PLXDC1: variants seen among roughly 807,000 people sequenced by gnomAD.
PLXDC1 encodes the protein plexin domain containing 1, also known as plexin domain-containing protein 1.
Under a neutral mutation model 61.3 loss-of-function variants are expected in PLXDC1, and 39 were observed. The observed-to-expected ratio is 0.64, with a 90% CI of 0.49 to 0.83. PLXDC1 has a LOEUF of 0.83. Among genes scored for constraint, PLXDC1 ranks in the 40% least tolerant of loss-of-function variants. The pLI is 0.00. For synonymous variants in PLXDC1, 212 were observed against 254.5 expected (o/e 0.83, Z 1.59); for missense variants, 596 against 666.5 (o/e 0.89, Z 1.17).
Position 39,065,444 on chromosome 17 carries a change from G to A in PLXDC1, c.*2396C>T, listed in dbSNP as rs1279052823. On this transcript the variant is annotated 3_prime_UTR_variant, in exon 14 of 14. Coordinates refer to ENST00000315392, the MANE Select transcript of PLXDC1 (RefSeq NM_020405.5). The stretch of plus-strand genomic sequence containing the variant: ...GACAGGGTCTCACTCTGTCACCCAG[G>A]CTGGAGTACAGTGGCATGATTATGA... 1.4e-5 allele frequency: 2 copies of A among 143,176 alleles called. No homozygotes were observed. The highest frequency in any genetic ancestry group is 2.0e-4 in the East Asian group (1 of 4,956). The allele number at this position is 143,176 out of a possible 1,614,324, so 8.9% of individuals were successfully genotyped here. A position where few individuals can be genotyped will look rare whatever the true frequency, so the allele number is the denominator to read the frequency against.
At chr17:39,097,104 G>C (rs1022940002) in intron 7 of PLXDC1, 1 of 422,312 alleles carries the variant, frequency 2.4e-6, no homozygotes, top group East Asian at 7.3e-5. Flanking sequence ...TGCCTAGCAG[G>C]GGTGGGGAGG....
intron 2 of PLXDC1, among the ~76,000 whole-genome samples, chr17:39,128,300 C>T (rs1321910332): frequency 6.6e-6 from 1 of 151,166 alleles, no homozygotes; most frequent in African/African-American, 2.4e-5. Flanking sequence ...TCACTGCAAC[C>T]TCCACCTCCT....
At chr17:39,146,723 G>T (rs1432885672) in intron 1 of PLXDC1, among the ~76,000 whole-genome samples, 1 of 151,180 alleles carries the variant, frequency 6.6e-6, no homozygotes, top group African/African-American at 2.4e-5. Flanking sequence ...AGATGTGGTG[G>T]TGCATGCCTG....
intron 1 of PLXDC1, among the ~76,000 whole-genome samples, chr17:39,142,508 C>A (rs531728): frequency 6.6e-6 from 1 of 152,100 alleles, no homozygotes; most frequent in Non-Finnish European, 1.5e-5. Context: ...CTCTCCAGTT[C>A]CCTCTAGGTT....
intron 2 of PLXDC1, among the ~76,000 whole-genome samples, chr17:39,132,926 T>C (rs1271544485): frequency 6.6e-6 from 1 of 152,002 alleles, no homozygotes; most frequent in Non-Finnish European, 1.5e-5. Context: ...AACCCAGCTG[T>C]GATACCAGAT....
At position 39,151,271 on chromosome 17, in the gene PLXDC1, C is replaced by G. The variant is rs2045370656; in HGVS notation, c.76+91G>C. On this transcript the variant is annotated intron_variant, in intron 1 of 13. Coordinates refer to ENST00000315392, the MANE Select transcript of PLXDC1 (RefSeq NM_020405.5). This position sits in a 1 kb window ranked among gnomAD's most constrained non-coding sequence, Gnocchi z 5.2. ...CGGACAATGCCCCCCTCGCGGACAT[C>G]GCCAGGCCGTCCACACCTGCCCATG... 1 of 1,010,040 alleles carries G rather than the reference C, an allele frequency of 9.9e-7. No homozygotes were observed. Among genetic ancestry groups the G allele is most frequent in the African/African-American group, 1.7e-5 (1 of 59,824 alleles). 62.6% of individuals were successfully genotyped at this position (1,010,040 alleles called of 1,614,324 possible).
At chr17:39,091,958 CAAAAAAAAAAAA>C (rs71141756) in intron 7 of PLXDC1, among the ~76,000 whole-genome samples, 3 of 105,386 alleles carry the variant, frequency 2.8e-5, no homozygotes, top group Non-Finnish European at 5.7e-5. Context: ...GACTCTATCT[CAAAAAAAAAAAA>C]AAAAAAAAAA....
chr17:39,110,889 A>G (rs1910776459), intron 2 of PLXDC1, among the ~76,000 whole-genome samples: 1 of 151,662 alleles, frequency 6.6e-6, no homozygotes. Context: ...GTCGGGGGCT[A>G]TTCCCTCTGC....
chr17:39,147,998 A>G (rs2045352674), intron 1 of PLXDC1, among the ~76,000 whole-genome samples: 1 of 152,070 alleles, frequency 6.6e-6, no homozygotes, highest in African/African-American at 2.4e-5. Flanking sequence ...CTCTCTGAGG[A>G]GGGTCCCCTT....
At chr17:39,118,796 G>A (rs1911072025) in intron 2 of PLXDC1, among the ~76,000 whole-genome samples, 1 of 152,182 alleles carries the variant, frequency 6.6e-6, no homozygotes. Context: ...AGCTTGTGCA[G>A]CCTGAGCCAA....
chr17:39,120,313 G>A (rs548155326), intron 2 of PLXDC1, among the ~76,000 whole-genome samples: 8 of 151,544 alleles, frequency 5.3e-5, no homozygotes, highest in Non-Finnish European at 4.4e-5. Context: ...CACCACGCCC[G>A]GCTAAATTTT....
At chr17:39,133,695 T>C (rs1428346265) in intron 2 of PLXDC1, among the ~76,000 whole-genome samples, 1 of 152,168 alleles carries the variant, frequency 6.6e-6, no homozygotes, top group African/African-American at 2.4e-5. Context: ...CATGGCTCAC[T>C]GCAGCCTCCA....
At chr17:39,123,063 G>C (rs557988980) in intron 2 of PLXDC1, among the ~76,000 whole-genome samples, 1 of 152,302 alleles carries the variant, frequency 6.6e-6, no homozygotes, top group East Asian at 1.9e-4. Flanking sequence ...CATTGCTCTA[G>C]GATCAAACAT....
At chr17:39,095,736 C>T (rs959243161) in intron 7 of PLXDC1, among the ~76,000 whole-genome samples, 3 of 151,994 alleles carry the variant, frequency 2.0e-5, no homozygotes, top group Non-Finnish European at 4.4e-5. Context: ...ACAATCTCAG[C>T]TCACTGCAGC....
chr17:39,152,766 AG>A, upstream of PLXDC1: 11 of 705,408 alleles, frequency 1.6e-5, no homozygotes, highest in Non-Finnish European at 1.9e-5. Flanking sequence ...CGTGGCACTG[AG>A]GTTAAAAAAA....
intron 7 of PLXDC1, among the ~76,000 whole-genome samples, chr17:39,105,455 C>T (rs549234552): frequency 7.6e-4 from 115 of 152,156 alleles, no homozygotes; most frequent in South Asian, 2.1e-3. Flanking sequence ...ACAGCATGGC[C>T]GAGGCTGGAT....
intron 2 of PLXDC1, among the ~76,000 whole-genome samples, chr17:39,114,448 C>A (rs1246518416): frequency 3.3e-5 from 5 of 152,198 alleles, no homozygotes; most frequent in Non-Finnish European, 7.3e-5. Context: ...TGTTGCATTC[C>A]CATCACACCC....
intron 2 of PLXDC1, among the ~76,000 whole-genome samples, chr17:39,127,830 C>T (rs1242334859): frequency 6.7e-6 from 1 of 148,580 alleles, no homozygotes; most frequent in South Asian, 2.1e-4. Flanking sequence ...TGGTGGCGGG[C>T]GCCTGTAGTC....
At chr17:39,143,770 G>A (rs997224010) in intron 1 of PLXDC1, among the ~76,000 whole-genome samples, 4 of 152,262 alleles carry the variant, frequency 2.6e-5, no homozygotes, top group African/African-American at 9.6e-5. Flanking sequence ...GTGGGGAGGA[G>A]GGCAGTCCCC....
Sources: gnomAD v4.1 joint callset for allele counts (sites outside exome capture counted in the v4.1 genomes callset) on GRCh38, gnomAD v4.1.1 for gene constraint, Gnocchi (gnomAD v3.1) non-coding constraint, MANE v1.5 for transcripts, NCBI Gene and HGNC (gene_info 2026-07-23, HGNC 2026-07-21) for gene names.